The following TFAP4 variants were observed in gnomAD, a reference collection of about 807,000 sequenced individuals.
TFAP4 encodes the protein activating enhancer-binding protein 4.
In TFAP4, 7 loss-of-function variants were observed where a neutral mutation model predicts 40.4. That is an observed-to-expected ratio of 0.17 (90% CI 0.10 to 0.33). The LOEUF (loss-of-function observed/expected upper bound fraction) is 0.33. Among genes scored for constraint, TFAP4 ranks in the 10% least tolerant of loss-of-function variants. The pLI, the probability that TFAP4 is intolerant of heterozygous loss-of-function variation, is 1.00. For missense variants in TFAP4, 374 were observed against 451.1 expected (o/e 0.83, Z 1.55); for synonymous variants, 218 against 181.4 (o/e 1.20, Z -1.62).
chr16:4,272,839 G>A lies in TFAP4; in HGVS notation c.-93C>T. 1 of 1,184,482 alleles carries A rather than the reference G, an allele frequency of 8.4e-7. No individual in the cohort carries two copies. Among genetic ancestry groups the A allele is most frequent in the Non-Finnish European group, 1.2e-6 (1 of 864,070 alleles). 73.4% of individuals were successfully genotyped at this position (1,184,482 alleles called of 1,614,324 possible). The stretch of plus-strand genomic sequence containing the variant: ...CCGAATCAAAGGGCAGCGCCGGACG[G>A]AGGTGCAGAATCGGCCGGTCCCAGA... On this transcript the variant is annotated 5_prime_UTR_variant, in exon 1 of 7. Coordinates refer to ENST00000204517, the MANE Select transcript of TFAP4 (RefSeq NM_003223.3).
At chr16:4,272,561 C>T in intron 1 of TFAP4, 97 bp downstream of exon 1, 3 of 862,174 alleles carry the variant, frequency 3.5e-6, no homozygotes, top group Middle Eastern at 3.8e-4. Flanking sequence ...GCGGGGTCGG[C>T]GGCGCGGGCC....
chr16:4,270,832 C>T (rs1170946505), intron 1 of TFAP4, among the ~76,000 whole-genome samples: 6 of 152,204 alleles, frequency 3.9e-5, no homozygotes, highest in Admixed American at 2.6e-4. Context: ...GGCTCAACTG[C>T]ACCTCCGCGC....
At position 4,261,827 on chromosome 16, in the gene TFAP4, C is replaced by G. The variant is rs1034800876; in HGVS notation, c.477G>C (p.Arg159=). ...CCGAGCGCTCCTTGTCCAGCTGCTG[C>G]CGCAGCTCAATCATCTCCCGCCGCA... ...EDLRREMIEL[R]QQLDKERSVR... is the part of the protein sequence containing the mutation. Residue 159 remains arginine (R), a synonymous_variant, in exon 4 of 7, where the codon CGG becomes CGC. Coordinates refer to ENST00000204517, the MANE Select transcript of TFAP4 (RefSeq NM_003223.3). The G allele has an allele frequency of 3.7e-6, 6 of 1,612,616 alleles. No homozygotes were observed. The highest frequency in any genetic ancestry group is 1.3e-5 in the African/African-American group (1 of 74,938).
At chr16:4,268,331 G>A (rs951224437) in intron 1 of TFAP4, among the ~76,000 whole-genome samples, 2 of 152,162 alleles carry the variant, frequency 1.3e-5, no homozygotes, top group Non-Finnish European at 2.9e-5. Context: ...TCGGGAGGTC[G>A]AGGCCCAAGA....
chr16:4,261,306 G>A (rs1440392011), intron 4 of TFAP4, among the ~76,000 whole-genome samples: 1 of 150,878 alleles, frequency 6.6e-6, no homozygotes, highest in East Asian at 2.0e-4. Flanking sequence ...TTGAGATGGA[G>A]TCTCGCTCTG....
At chr16:4,260,729 T>C in intron 4 of TFAP4, 134 bp from the exon 5 acceptor site, 1 of 1,037,680 alleles carries the variant, frequency 9.6e-7, no homozygotes, top group Non-Finnish European at 1.3e-6. Flanking sequence ...GCCAGAAGCC[T>C]TTCCAGAGCC....
At chr16:4,270,613 C>G (rs1168181996) in intron 1 of TFAP4, among the ~76,000 whole-genome samples, 1 of 152,244 alleles carries the variant, frequency 6.6e-6, no homozygotes, top group African/African-American at 2.4e-5. Flanking sequence ...GACGAAGGCC[C>G]TACACCTTCA....
intron 1 of TFAP4, among the ~76,000 whole-genome samples, chr16:4,271,389 AGC>A (rs2053039166): frequency 6.6e-6 from 1 of 152,218 alleles, no homozygotes; most frequent in African/African-American, 2.4e-5. Flanking sequence ...TCGCTCCTGG[AGC>A]AGCGCGGCAG....
chr16:4,264,603 G>C lies in TFAP4; in HGVS notation c.90-1902C>G, dbSNP rs557010897. ...GCAGGGCAGAGAGGGGATGGTTTTA[G>C]GGTCGGTCAGCTGGATGTCAGTGCT... On this transcript the variant is annotated intron_variant, in intron 1 of 6. Coordinates refer to ENST00000204517, the MANE Select transcript of TFAP4 (RefSeq NM_003223.3). 11 of 152,564 alleles carry C rather than the reference G, an allele frequency of 7.2e-5. No individual in the cohort carries two copies. In the East Asian group the frequency reaches 1.9e-3, roughly 27 times the overall value. The allele number at this position is 152,564 out of a possible 1,614,324, so 9.5% of individuals were successfully genotyped here.
chr16:4,272,531 C>T lies in TFAP4; in HGVS notation c.89+127G>A, dbSNP rs974539485. On this transcript the variant is annotated intron_variant, in intron 1 of 6. Coordinates refer to ENST00000204517, the MANE Select transcript of TFAP4 (RefSeq NM_003223.3). ...CCCGGCGTGTGGGGCTGCAGCCGTC[C>T]CGGCAGCTAAGAAAGGCTAGCGGGG... 8.3e-5 allele frequency: 51 copies of T among 617,508 alleles called. No homozygotes were observed. The East Asian group carries it at 1.7e-3, about 21-fold the overall frequency. The allele number at this position is 617,508 out of a possible 1,614,324, so 38.3% of individuals were successfully genotyped here.
At position 4,260,575 on chromosome 16, in the gene TFAP4, G is replaced by A; in HGVS notation, c.546C>T (p.His182=). Residue 182 remains histidine (H), a synonymous_variant, in exon 5 of 7, where the codon CAC becomes CAT. Transcript: ENST00000204517. ...TCACCTTGAGCTTTTCCGGGTACAT[G>A]TGGGCCTCCAGCGAGCGCACCTGGA... is the stretch of plus-strand genomic sequence containing the variant. ...LEEQVRSLEA[H]MYPEKLKVIA... is the part of the protein sequence containing the mutation. 1 of 1,608,906 alleles carries A rather than the reference G, an allele frequency of 6.2e-7. No homozygotes were observed. Among genetic ancestry groups the A allele is most frequent in the Admixed American group, 1.7e-5 (1 of 59,336 alleles).
rs1238871574 is a variant in TFAP4, at chr16:4,258,141, C to G, written c.931G>C (p.Asp311His). 5 of 1,613,994 alleles carry G rather than the reference C, an allele frequency of 3.1e-6. No homozygotes were observed. The highest frequency in any genetic ancestry group is 3.4e-6 in the Non-Finnish European group (4 of 1,179,994). Residue 311 changes from aspartate (D) to histidine (H), a missense_variant, in exon 7 of 7, where the codon GAC (aspartate) becomes CAC (histidine). Physicochemically the swap from Asp to His is moderately conservative, Grantham distance 81. Coordinates refer to ENST00000204517, the MANE Select transcript of TFAP4 (RefSeq NM_003223.3). ...GAGGCCTCGGAGTCGGAGGCGGTGT[C>G]AGAGGTGGGGGCCTCCGGGCAGCTG... ...VRSCPEAPTS[D>H]TASDSEASDS... is the part of the protein sequence containing the mutation.
rs71139626 is a variant in TFAP4 at position 4,272,954 on chromosome 16, ATGTGTGTGTGTGTGTGTGTGTG to A, written c.-230_-209del. The A allele has an allele frequency of 4.2e-4, 66 of 156,258 alleles. 1 individual carries two copies. Among genetic ancestry groups the A allele is most frequent in the Admixed American group, 3.4e-3 (46 of 13,570 alleles). The allele number at this position is 156,258 out of a possible 1,614,324, so 9.7% of individuals were successfully genotyped here. A position where few individuals can be genotyped will look rare whatever the true frequency, so the allele number is the denominator to read the frequency against. On this transcript the variant is annotated 5_prime_UTR_variant, in exon 1 of 7. Transcript: ENST00000204517. ...CCGGCCTGCCTCCCCGGGCGTGTGTATGTGTGTGTGTGTGTGTGTGTGTGTGTGTGTGTGTGTGTGTGTGTGT... is the reference window on the plus strand; with the variant it reads ...CCGGCCTGCCTCCCCGGGCGTGTGTATGTGTGTGTGTGTGTGTGTGTGTGT...
chr16:4,258,051 G>A lies in TFAP4; in HGVS notation c.*4C>T, dbSNP rs777452608. The stretch of plus-strand genomic sequence containing the variant: ...CAGAAGGGAGAGGAGGGCTGGGGGG[G>A]TAGTCAGGGAAGCTCCCCGTCCCCC... On this transcript the variant is annotated 3_prime_UTR_variant, in exon 7 of 7. Transcript: ENST00000204517. 2.2e-4 allele frequency: 348 copies of A among 1,609,196 alleles called. 1 individual carries two copies. Among genetic ancestry groups the A allele is most frequent in the Admixed American group, 2.7e-4 (16 of 59,782 alleles).
rs1047296486 is a variant in TFAP4, at chr16:4,260,393, A to G, written c.666+62T>C. The G allele has an allele frequency of 3.3e-6, 5 of 1,517,970 alleles. No homozygotes were observed. In the African/African-American group the frequency reaches 4.2e-5, roughly 13 times the overall value. The allele number at this position is 1,517,970 out of a possible 1,614,324, so 94.0% of individuals were successfully genotyped here. A position where few individuals can be genotyped will look rare whatever the true frequency, so the allele number is the denominator to read the frequency against. ...CGTGGCCTAGGGAGAGGCTTCCGCC[A>G]TTCAAGATCACCTGTCCCCTTCCCG... is the stretch of plus-strand genomic sequence containing the variant. On this transcript the variant is annotated intron_variant, in intron 5 of 6. Transcript: ENST00000204517.
At chr16:4,263,158 C>A (rs2052962971) in intron 1 of TFAP4, 1 of 166,668 alleles carries the variant, frequency 6.0e-6, no homozygotes, top group Non-Finnish European at 1.3e-5. Flanking sequence ...GGCAACAGAG[C>A]AAGACCTTGT....
chr16:4,264,104 A>C (rs2052971504), intron 1 of TFAP4: 1 of 152,494 alleles, frequency 6.6e-6, no homozygotes, highest in Admixed American at 6.5e-5. Context: ...TGAATGTGGG[A>C]GAACAGGAAA....
Position 4,261,771 on chromosome 16 carries a change from T to C in TFAP4, c.525+8A>G. On this transcript the variant is annotated splice_region_variant and intron_variant, in intron 4 of 6. Coordinates refer to ENST00000204517, the MANE Select transcript of TFAP4 (RefSeq NM_003223.3). ...GCGCGCCGTGCCCAGCAGAGGGCGC[T>C]GCCTCACCTGCTCCTCCAGCATCAT... 1.3e-6 allele frequency: 2 copies of C among 1,597,858 alleles called. No individual in the cohort carries two copies. The highest frequency in any genetic ancestry group is 1.7e-6 in the Non-Finnish European group (2 of 1,173,770).
intron 1 of TFAP4, chr16:4,265,592 AGAGT>A: frequency 8.0e-6 from 1 of 125,056 alleles, no homozygotes; most frequent in African/African-American, 2.9e-5. Flanking sequence ...CCTGGGCAAC[AGAGT>A]GAGACCTTGT....
Sources: allele counts gnomAD v4.1 joint callset (sites outside exome capture counted in the v4.1 genomes callset), GRCh38; gene constraint gnomAD v4.1.1; transcripts MANE v1.5; gene names NCBI Gene and HGNC (gene_info 2026-07-23, HGNC 2026-07-21).